GNAI1: variants seen among roughly 807,000 people sequenced by gnomAD.
GNAI1 encodes the protein guanine nucleotide-binding protein G(i) subunit alpha-1.
GNAI1 carries 11 observed loss-of-function variants against 38.9 expected under a neutral mutation model. The observed-to-expected ratio is 0.28, with a 90% CI of 0.18 to 0.47. The LOEUF (loss-of-function observed/expected upper bound fraction) is 0.47. Among genes scored for constraint, GNAI1 ranks in the 20% least tolerant of loss-of-function variants. GNAI1 has a pLI of 0.99. For missense variants in GNAI1, 317 were observed against 436.9 expected, an observed-to-expected ratio of 0.73 and a Z score of 2.45; for synonymous variants, 166 against 145.1, an observed-to-expected ratio of 1.14 and a Z score of -1.04.
intron 4 of GNAI1, 108 bp from the exon 5 acceptor site, chr7:80,203,596 G>A (rs558601657): frequency 3.1e-5 from 21 of 666,866 alleles, no homozygotes; most frequent in Non-Finnish European, 5.2e-5. Flanking sequence ...AAAACTTTTA[G>A]TGATTTCAGA....
intron 1 of GNAI1, among the ~76,000 whole-genome samples, chr7:80,137,252 TTCA>T (rs1787430545): frequency 6.6e-6 from 1 of 151,732 alleles, no homozygotes; most frequent in Admixed American, 6.6e-5. Context: ...AGGCCTCATT[TTCA>T]GAAGAAATTA....
At chr7:80,139,507 C>T (rs1001382207) in intron 1 of GNAI1, among the ~76,000 whole-genome samples, 2 of 152,180 alleles carry the variant, frequency 1.3e-5, no homozygotes, top group Non-Finnish European at 2.9e-5. Context: ...TTCTGCCCAG[C>T]CTATTTTCCT....
At chr7:80,167,754 G>C (rs546359881) in intron 1 of GNAI1, among the ~76,000 whole-genome samples, 7 of 152,240 alleles carry the variant, frequency 4.6e-5, no homozygotes, top group African/African-American at 1.4e-4. Flanking sequence ...ATGCAGAAAT[G>C]GTGTTCAACT....
intron 3 of GNAI1, among the ~76,000 whole-genome samples, chr7:80,193,549 T>A (rs547009675): frequency 1.3e-5 from 2 of 152,202 alleles, no homozygotes; most frequent in Non-Finnish European, 2.9e-5. Flanking sequence ...GGTGATTATG[T>A]TTCTAATGAA....
rs35141470 is a variant in GNAI1 at position 80,152,558 on chromosome 7, C to CTT, written c.118+17301_118+17302dup. Reference sequence around the variant, plus strand: ...TCTGGGGGTAGATTCGGTCTCAATTCTTTTTTTTTTTTTTTTTTTTTTGAA... The same window carrying CTT: ...TCTGGGGGTAGATTCGGTCTCAATTCTTTTTTTTTTTTTTTTTTTTTTTTGAA... On this transcript the variant is annotated intron_variant, in intron 1 of 7. Transcript: ENST00000649796. Among the ~76,000 whole-genome samples the CTT allele has an allele frequency of 3.6e-3, 371 of 102,986 alleles. 5 individuals are homozygous for CTT. The highest frequency in any genetic ancestry group is 7.6e-3 in the African/African-American group (213 of 28,130). The allele number at this position is 102,986 out of a possible 152,430, so 67.6% of individuals were successfully genotyped here.
At chr7:80,139,777 T>G (rs1043484271) in intron 1 of GNAI1, among the ~76,000 whole-genome samples, 1 of 152,140 alleles carries the variant, frequency 6.6e-6, no homozygotes, top group African/African-American at 2.4e-5. Context: ...ATTGTTTGGT[T>G]TAAGATTTTT....
chr7:80,211,227 AAGAG>A, intron 6 of GNAI1, 129 bp downstream of exon 6: 1 of 739,554 alleles, frequency 1.4e-6, no homozygotes, highest in Non-Finnish European at 2.2e-6. Context: ...TATTTGATAA[AAGAG>A]AGATATACTA....
intron 1 of GNAI1, among the ~76,000 whole-genome samples, chr7:80,182,237 C>T (rs1451084571): frequency 1.3e-5 from 2 of 152,090 alleles, no homozygotes; most frequent in African/African-American, 4.8e-5. Context: ...ACATTTTCTT[C>T]ATTCATCTCT....
At chr7:80,169,719 A>G (rs1340719476) in intron 1 of GNAI1, among the ~76,000 whole-genome samples, 1 of 152,220 alleles carries the variant, frequency 6.6e-6, no homozygotes, top group Non-Finnish European at 1.5e-5. Flanking sequence ...ATTAAAGTAT[A>G]TTTCCATAAT....
At chr7:80,201,736 A>T (rs964839505) in intron 4 of GNAI1, among the ~76,000 whole-genome samples, 6 of 152,162 alleles carry the variant, frequency 3.9e-5, no homozygotes, top group African/African-American at 1.4e-4. Flanking sequence ...AGAAAAAAAA[A>T]TTAAAATTAT....
At chr7:80,164,294 G>A (rs1787976511) in intron 1 of GNAI1, among the ~76,000 whole-genome samples, 3 of 151,642 alleles carry the variant, frequency 2.0e-5, no homozygotes, top group Admixed American at 1.3e-4. Flanking sequence ...TGCCACCTCG[G>A]CCTCCCAAAG....
chr7:80,172,162 T>C (rs1788107887), intron 1 of GNAI1, among the ~76,000 whole-genome samples: 1 of 152,226 alleles, frequency 6.6e-6, no homozygotes. Flanking sequence ...AAATAGTTCA[T>C]TTTGAAAGAT....
chr7:80,142,937 CAT>C (rs1356082774), intron 1 of GNAI1, among the ~76,000 whole-genome samples: 2 of 152,200 alleles, frequency 1.3e-5, no homozygotes, highest in Non-Finnish European at 2.9e-5. Flanking sequence ...TGCTGTTTCA[CAT>C]GTTATTTTGC....
chr7:80,143,930 G>GTGTA (rs1787573475), intron 1 of GNAI1, among the ~76,000 whole-genome samples: 1 of 151,362 alleles, frequency 6.6e-6, no homozygotes, highest in Admixed American at 6.6e-5. Flanking sequence ...GTGCGCGCGT[G>GTGTA]TGTGTATCTA....
intron 1 of GNAI1, among the ~76,000 whole-genome samples, chr7:80,184,814 G>A (rs1788361643): frequency 6.6e-6 from 1 of 152,066 alleles, no homozygotes; most frequent in Non-Finnish European, 1.5e-5. Flanking sequence ...CACAACTTTG[G>A]CTTTATCGCC....
chr7:80,158,555 A>C (rs1175463020), intron 1 of GNAI1, among the ~76,000 whole-genome samples: 2 of 151,924 alleles, frequency 1.3e-5, no homozygotes, highest in African/African-American at 2.4e-5. Flanking sequence ...TCCCCCTTTT[A>C]CTCACTCACT....
intron 1 of GNAI1, among the ~76,000 whole-genome samples, chr7:80,159,991 T>C (rs145061234): frequency 1.4e-3 from 212 of 152,296 alleles, no homozygotes; most frequent in Admixed American, 2.6e-3. Context: ...CCTCTCTGAG[T>C]TGGTTGTATC....
At chr7:80,156,978 A>G (rs1787830208) in intron 1 of GNAI1, among the ~76,000 whole-genome samples, 1 of 152,166 alleles carries the variant, frequency 6.6e-6, no homozygotes, top group Non-Finnish European at 1.5e-5. Flanking sequence ...CAAAGACTTT[A>G]GTTTTACATT....
In GNAI1 at chr7:80,218,644, CTA is replaced by C. The variant is rs1209613332; in HGVS notation, c.*1153_*1154del. 3 of 152,078 alleles carry C rather than the reference CTA, an allele frequency of 2.0e-5. No homozygotes were observed. The highest frequency in any genetic ancestry group is 2.0e-4 in the Admixed American group (3 of 15,260). 9.4% of individuals were successfully genotyped at this position (152,078 alleles called of 1,614,324 possible). A position where few individuals can be genotyped will look rare whatever the true frequency, so the allele number is the denominator to read the frequency against. ...ACTAATTTCAAATGTAATTATCACA[CTA>C]TGTTAAAATTACTTTTTTCCCTTAG... On this transcript the variant is annotated 3_prime_UTR_variant, in exon 8 of 8. Transcript: ENST00000649796.
Sources: allele counts gnomAD v4.1 joint callset (sites outside exome capture counted in the v4.1 genomes callset), GRCh38; gene constraint gnomAD v4.1.1; transcripts MANE v1.5; gene names NCBI Gene and HGNC (gene_info 2026-07-23, HGNC 2026-07-21).